SETD2: variants seen among roughly 807,000 people sequenced by gnomAD.
SETD2 encodes histone-lysine N-methyltransferase SETD2.
SETD2 carries 31 observed loss-of-function variants against 242.1 expected under a neutral mutation model. That is an observed-to-expected ratio of 0.13 (90% CI 0.10 to 0.17). SETD2 has a LOEUF of 0.17. Among genes scored for constraint, SETD2 ranks in the 10% least tolerant of loss-of-function variants. The pLI is 1.00. For synonymous variants in SETD2, 1,006 were observed against 1,066.5 expected (o/e 0.94, Z 1.11); for missense variants, 2,481 against 3,046.3 (o/e 0.81, Z 4.37).
rs1424607930 is a variant in SETD2 at position 47,123,365 on chromosome 3, C to T, written c.1271G>A (p.Arg424Gln). ...RTNLSYSRSE[R>Q]SHYYDSDRRY... ...ACGATCAGAGTCATAATAATGAGAT[C>T]GTTCTGACCTGGAATAGGATAAATT... The change falls in exon 3 of 21, where the codon CGA (arginine) becomes CAA (glutamine). Residue 424 changes from arginine to glutamine, a missense_variant. Transcript: ENST00000409792. The T allele has an allele frequency of 1.9e-6, 3 of 1,551,596 alleles. No individual in the cohort carries two copies. Among genetic ancestry groups the T allele is most frequent in the Non-Finnish European group, 2.6e-6 (3 of 1,146,952 alleles).
At chr3:47,051,277 G>C (rs2039833444) in intron 15 of SETD2, among the ~76,000 whole-genome samples, 1 of 151,810 alleles carries the variant, frequency 6.6e-6, no homozygotes, top group Non-Finnish European at 1.5e-5. Flanking sequence ...ACTAATTTTT[G>C]TATTTTTTGT....
chr3:47,137,233 G>A (rs753313452), intron 1 of SETD2, among the ~76,000 whole-genome samples: 9 of 151,112 alleles, frequency 6.0e-5, no homozygotes, highest in East Asian at 1.9e-4. Context: ...TTACTCTGTC[G>A]CCAGGCTGGA....
chr3:47,022,747 A>G (rs1387427240), intron 18 of SETD2, among the ~76,000 whole-genome samples: 1 of 152,238 alleles, frequency 6.6e-6, no homozygotes, highest in African/African-American at 2.4e-5. Context: ...GCCAGAGCTT[A>G]CTGCCTTTAG....
intron 1 of SETD2, among the ~76,000 whole-genome samples, chr3:47,136,948 C>T (rs1352942968): frequency 2.0e-5 from 3 of 151,798 alleles, no homozygotes; most frequent in Non-Finnish European, 4.4e-5. Context: ...AGCAAGAATC[C>T]ATCTAAAAAA....
intron 6 of SETD2, among the ~76,000 whole-genome samples, chr3:47,104,276 TTA>T (rs2042324927): frequency 6.6e-6 from 1 of 151,932 alleles, no homozygotes; most frequent in Non-Finnish European, 1.5e-5. Flanking sequence ...GCACAGTGGT[TTA>T]TGTCTGTAAT....
At position 47,122,976 on chromosome 3, in the gene SETD2, G is replaced by A. The variant is rs1010773470; in HGVS notation, c.1660C>T (p.Arg554Cys). 33 of 1,613,624 alleles carry A rather than the reference G, an allele frequency of 2.0e-5. No homozygotes were observed. Among genetic ancestry groups the A allele is most frequent in the East Asian group, 4.5e-5 (2 of 44,886 alleles). The change falls in exon 3 of 21, where the codon CGT (arginine) becomes TGT (cysteine). Residue 554 changes from arginine (R) to cysteine (C), a missense_variant. Arg to Cys is a radical substitution (Grantham distance 180). Transcript: ENST00000409792. Reference sequence around the variant, plus strand: ...GGTTTTGAAAGGGTAGATTTATAACGGGAAGCACTACTGTCATGCTTAGAA... The same window carrying A: ...GGTTTTGAAAGGGTAGATTTATAACAGGAAGCACTACTGTCATGCTTAGAA... ...SYSKHDSSAS[R>C]YKSTLSKPIP...
At chr3:47,049,344 T>C (rs1424956889) in intron 15 of SETD2, among the ~76,000 whole-genome samples, 8 of 130,396 alleles carry the variant, frequency 6.1e-5, no homozygotes, top group African/African-American at 1.7e-4. Context: ...TATATATATA[T>C]ATATGTATTC....
At chr3:47,101,618 G>GTT in intron 7 of SETD2, 63 bp from the exon 8 acceptor site, 1 of 833,144 alleles carries the variant, frequency 1.2e-6, no homozygotes, top group South Asian at 1.5e-5. Context: ...GTGTGTGTGT[G>GTT]TGTGTGTGTG....
intron 1 of SETD2, among the ~76,000 whole-genome samples, chr3:47,153,902 TA>T (rs1004068104): frequency 6.6e-6 from 1 of 152,240 alleles, no homozygotes; most frequent in East Asian, 1.9e-4. Context: ...ACAGATTTTT[TA>T]AAAAACTCTA....
At chr3:47,141,797 C>T (rs1575839742) in intron 1 of SETD2, among the ~76,000 whole-genome samples, 1 of 152,034 alleles carries the variant, frequency 6.6e-6, no homozygotes, top group East Asian at 1.9e-4. Context: ...AGTACTCTTA[C>T]GGAACAAAAG....
chr3:47,114,876 C>CAAA (rs764948151), intron 4 of SETD2, among the ~76,000 whole-genome samples: 21 of 54,874 alleles, frequency 3.8e-4, no homozygotes, highest in Admixed American at 7.7e-4. Flanking sequence ...GAGACTGTCT[C>CAAA]AAAAAAAAAA....
chr3:47,037,815 G>C, intron 17 of SETD2, 38 bp from the exon 18 acceptor site: 1 of 1,421,728 alleles, frequency 7.0e-7, no homozygotes, highest in African/African-American at 1.4e-5. Flanking sequence ...GTCAGGGCTA[G>C]GAAACAGAGA....
intron 1 of SETD2, chr3:47,138,428 T>C (rs930277974): frequency 1.3e-5 from 2 of 153,352 alleles, no homozygotes; most frequent in Non-Finnish European, 2.9e-5. Flanking sequence ...TTATTATTAT[T>C]ATTATATTTT....
In SETD2 at chr3:47,123,900, C is replaced by A. The variant is rs2043214109; in HGVS notation, c.736G>T (p.Val246Leu). ...RSLKEPPIII[V>L]PESLEADTKQ... ...GTATCTGCTTCTAAAGATTCTGGTA[C>A]AATTATAATTGGTGGTTCTTTCAGA... The change falls in exon 3 of 21, where the codon GTA (valine) becomes TTA (leucine). Residue 246 changes from valine (V) to leucine (L), a missense_variant. Physicochemically the swap from Val to Leu is conservative, Grantham distance 32. Coordinates refer to ENST00000409792, the MANE Select transcript of SETD2 (RefSeq NM_014159.7). 1 of 1,552,002 alleles carries A rather than the reference C, an allele frequency of 6.4e-7. No homozygotes were observed. Among genetic ancestry groups the A allele is most frequent in the East Asian group, 2.4e-5 (1 of 40,934 alleles).
intron 17 of SETD2, chr3:47,041,313 T>G (rs774213050): frequency 2.4e-6 from 1 of 417,198 alleles, no homozygotes; most frequent in South Asian, 1.7e-5. Context: ...CCTGTGGGCA[T>G]AGTTTGCCAG....
At chr3:47,024,872 T>G (rs1051066144) in intron 18 of SETD2, among the ~76,000 whole-genome samples, 1 of 152,138 alleles carries the variant, frequency 6.6e-6, no homozygotes, top group Non-Finnish European at 1.5e-5. Flanking sequence ...GACTTTACAC[T>G]TTACACTTAC....
intron 3 of SETD2, chr3:47,119,891 A>G: frequency 4.3e-6 from 2 of 460,466 alleles, no homozygotes. Flanking sequence ...CACATGTAAA[A>G]GGAATTACAG....
intron 2 of SETD2, among the ~76,000 whole-genome samples, 153 bp downstream of exon 2, chr3:47,126,495 C>T (rs1241626506): frequency 6.6e-6 from 1 of 152,172 alleles, no homozygotes; most frequent in Non-Finnish European, 1.5e-5. Context: ...GGATAAGTTA[C>T]CATGGCTCTA....
intron 1 of SETD2, among the ~76,000 whole-genome samples, chr3:47,159,068 A>C (rs1255179173): frequency 6.6e-6 from 1 of 152,144 alleles, no homozygotes; most frequent in Non-Finnish European, 1.5e-5. Flanking sequence ...GCTTGAGCCC[A>C]GGCTGAAGAC....
Sources: allele counts gnomAD v4.1 joint callset (sites outside exome capture counted in the v4.1 genomes callset), GRCh38; gene constraint gnomAD v4.1.1; transcripts MANE v1.5; gene names NCBI Gene and HGNC (gene_info 2026-07-23, HGNC 2026-07-21).